The following USO1 variants were observed in gnomAD, a reference collection of about 807,000 sequenced individuals.
The protein encoded by USO1 is USO1 vesicle transport factor.
USO1 carries 57 observed loss-of-function variants against 124.5 expected under a neutral mutation model. The observed-to-expected ratio is 0.46, with a 90% confidence interval of 0.37 to 0.57. The LOEUF (loss-of-function observed/expected upper bound fraction) is 0.57. Among genes scored for constraint, USO1 ranks in the 20% least tolerant of loss-of-function variants. USO1 has a pLI of 0.00. For synonymous variants in USO1, 369 were observed against 362.8 expected, an observed-to-expected ratio of 1.02 and a Z score of -0.19; for missense variants, 900 against 1,040.6, an observed-to-expected ratio of 0.86 and a Z score of 1.86.
At chr4:75,793,556 C>CTCAT in intron 12 of USO1, 134 bp from the exon 13 acceptor site, 1 of 1,147,926 alleles carries the variant, frequency 8.7e-7, no homozygotes, top group Non-Finnish European at 1.2e-6. Flanking sequence ...TTTAATACTA[C>CTCAT]TCATTAATAC....
chr4:75,730,311 G>C (rs1335754962), intron 1 of USO1, among the ~76,000 whole-genome samples: 2 of 151,826 alleles, frequency 1.3e-5, no homozygotes, highest in African/African-American at 4.9e-5. Context: ...TGTCAGCAAA[G>C]AAGTGTGTGC....
At position 75,813,365 on chromosome 4, in the gene USO1, C is replaced by T. The variant is rs1284802052; in HGVS notation, c.*70C>T. The T allele has an allele frequency of 7.8e-6, 11 of 1,416,966 alleles. No homozygotes were observed. Among genetic ancestry groups the T allele is most frequent in the Admixed American group, 5.7e-5 (2 of 34,930 alleles). 87.8% of individuals were successfully genotyped at this position (1,416,966 alleles called of 1,614,324 possible). A position where few individuals can be genotyped will look rare whatever the true frequency, so the allele number is the denominator to read the frequency against. ...AGATGGACTCTAAACTTTGGTTTAC[C>T]TCCATGGAAAATAAAGATTTAGAAA... On this transcript the variant is annotated 3_prime_UTR_variant, in exon 24 of 24. Transcript: ENST00000514213.
At chr4:75,811,884 G>GT (rs1021002613) in intron 22 of USO1, among the ~76,000 whole-genome samples, 5 of 151,716 alleles carry the variant, frequency 3.3e-5, no homozygotes, top group Admixed American at 1.3e-4. Flanking sequence ...AAATGGTACT[G>GT]TTTTTTTTAA....
chr4:75,772,531 C>T (rs1169496572), intron 7 of USO1, among the ~76,000 whole-genome samples: 1 of 152,000 alleles, frequency 6.6e-6, no homozygotes, highest in East Asian at 1.9e-4. Flanking sequence ...GCCACCGCGC[C>T]CGGCCGAGAA....
At chr4:75,812,557 T>A (rs1425608647) in intron 23 of USO1, among the ~76,000 whole-genome samples, 182 bp downstream of exon 23, 1 of 152,140 alleles carries the variant, frequency 6.6e-6, no homozygotes. Context: ...ATACACAGAT[T>A]AGGTTCAGTT....
intron 1 of USO1, among the ~76,000 whole-genome samples, chr4:75,738,713 T>G (rs1720866303): frequency 6.6e-6 from 1 of 152,014 alleles, no homozygotes; most frequent in South Asian, 2.1e-4. Flanking sequence ...ACTCCTGGGC[T>G]CAAGCAATCT....
chr4:75,788,687 C>T (rs946672988), intron 10 of USO1, among the ~76,000 whole-genome samples: 10 of 151,648 alleles, frequency 6.6e-5, no homozygotes, highest in East Asian at 1.9e-4. Flanking sequence ...GGATTACAGG[C>T]GACTGCCACC....
chr4:75,735,202 G>A (rs1237020559), intron 1 of USO1, among the ~76,000 whole-genome samples: 2 of 152,028 alleles, frequency 1.3e-5, no homozygotes, highest in Admixed American at 1.3e-4. Flanking sequence ...TCTGTCTAGG[G>A]TAAATGGGAT....
chr4:75,738,746 G>A (rs1720867401), intron 1 of USO1, among the ~76,000 whole-genome samples: 1 of 152,094 alleles, frequency 6.6e-6, no homozygotes, highest in Admixed American at 6.6e-5. Flanking sequence ...TCCCCAAAGT[G>A]TTGGGATTAC....
At chr4:75,796,907 C>G (rs1404252345) in intron 13 of USO1, among the ~76,000 whole-genome samples, 1 of 128,270 alleles carries the variant, frequency 7.8e-6, no homozygotes, top group Non-Finnish European at 1.7e-5. Flanking sequence ...TGTCATTTGT[C>G]TTTTGACCTT....
intron 20 of USO1, among the ~76,000 whole-genome samples, chr4:75,807,445 T>A (rs1402574736): frequency 6.6e-6 from 1 of 152,076 alleles, no homozygotes; most frequent in Non-Finnish European, 1.5e-5. Flanking sequence ...CTTCCTTCTC[T>A]CTCCACTAAG....
chr4:75,742,415 G>A lies in USO1; in HGVS notation c.67-9958G>A, dbSNP rs909100733. ...CCATTGTTGACTTGAATGTCGTTAC[G>A]TAGGCCATGCGTATTTTAAAATTTT... On this transcript the variant is annotated intron_variant, in intron 1 of 23. Coordinates refer to ENST00000514213, the MANE Select transcript of USO1 (RefSeq NM_003715.4). 4.6e-5 allele frequency among the ~76,000 whole-genome samples: 7 copies of A among 152,290 alleles called. No individual in the cohort carries two copies. In the South Asian group the frequency reaches 1.0e-3, roughly 23 times the overall value.
chr4:75,787,389 C>T (rs1447722432), intron 10 of USO1, among the ~76,000 whole-genome samples, 187 bp downstream of exon 10: 1 of 152,076 alleles, frequency 6.6e-6, no homozygotes, highest in Non-Finnish European at 1.5e-5. Context: ...ATACTCATCC[C>T]TCAAGTTTTA....
At chr4:75,739,437 GGT>G (rs1229162871) in intron 1 of USO1, among the ~76,000 whole-genome samples, 4 of 152,074 alleles carry the variant, frequency 2.6e-5, no homozygotes, top group African/African-American at 9.7e-5. Flanking sequence ...GGTCAAAGAA[GGT>G]GATGCTTTGC....
At chr4:75,741,386 T>A (rs1720954896) in intron 1 of USO1, among the ~76,000 whole-genome samples, 1 of 152,176 alleles carries the variant, frequency 6.6e-6, no homozygotes, top group African/African-American at 2.4e-5. Flanking sequence ...TTATAAACAC[T>A]ATACACTTAA....
intron 17 of USO1, among the ~76,000 whole-genome samples, chr4:75,803,109 A>T (rs1174757248): frequency 1.3e-5 from 2 of 150,258 alleles, no homozygotes; most frequent in African/African-American, 2.4e-5. Flanking sequence ...AACCCAAGAA[A>T]AAAAGAAAGA....
At chr4:75,807,303 T>C (rs1723024074) in intron 20 of USO1, among the ~76,000 whole-genome samples, 1 of 152,002 alleles carries the variant, frequency 6.6e-6, no homozygotes, top group Non-Finnish European at 1.5e-5. Context: ...TTTTCTTTCC[T>C]CCTCTCTTTT....
intron 1 of USO1, chr4:75,744,826 G>T (rs1560437853): frequency 5.1e-6 from 2 of 389,380 alleles, no homozygotes; most frequent in Non-Finnish European, 1.0e-5. Context: ...CCCATGAATG[G>T]ACATTAAGAT....
rs759871586 is a variant in USO1 at position 75,724,903 on chromosome 4, T to G, written c.66+18T>G. The G allele has an allele frequency of 1.2e-6, 2 of 1,611,386 alleles. No homozygotes were observed. Among genetic ancestry groups the G allele is most frequent in the African/African-American group, 2.7e-5 (2 of 74,546 alleles). Reference sequence around the variant, plus strand: ...CCGAGACGGTGAGAGGAGCAGCGGGTCTGGGACTTGGGAAGGGGTCCGGGC... The same window carrying G: ...CCGAGACGGTGAGAGGAGCAGCGGGGCTGGGACTTGGGAAGGGGTCCGGGC... On this transcript the variant is annotated intron_variant, in intron 1 of 23. Coordinates refer to ENST00000514213, the MANE Select transcript of USO1 (RefSeq NM_003715.4).
Sources: gnomAD v4.1 joint callset for allele counts (sites outside exome capture counted in the v4.1 genomes callset) on GRCh38, gnomAD v4.1.1 for gene constraint, MANE v1.5 for transcripts, NCBI Gene and HGNC (gene_info 2026-07-23, HGNC 2026-07-21) for gene names.